The following PCDH11X variants were observed in gnomAD, a reference collection of about 807,000 sequenced individuals.
The protein encoded by PCDH11X is protocadherin 11 X-linked.
PCDH11X carries 18 observed loss-of-function variants against 53.3 expected under a neutral mutation model. The ratio of observed to expected loss-of-function variants is 0.34; its 90% confidence interval spans 0.23 to 0.50. PCDH11X has a LOEUF of 0.50. Among genes scored for constraint, PCDH11X ranks in the 20% least tolerant of loss-of-function variants. The pLI, the probability that PCDH11X is intolerant of heterozygous loss-of-function variation, is 0.98. For synonymous variants in PCDH11X, 279 were observed against 393.3 expected (o/e 0.71, Z 3.44); for missense variants, 570 against 1,032.4 (o/e 0.55, Z 6.14).
chrX:92,508,580 T>C (rs1382581066), intron 10 of PCDH11X, among the ~76,000 whole-genome samples: 1 of 111,088 alleles, frequency 9.0e-6, no homozygotes, highest in Non-Finnish European at 1.9e-5. Context: ...TATAATGCTT[T>C]ATTGATATTT....
intron 6 of PCDH11X, among the ~76,000 whole-genome samples, chrX:91,948,419 T>C (rs977714274): frequency 3.0e-4 from 32 of 108,412 alleles, no homozygotes; most frequent in Non-Finnish European, 1.2e-4. Context: ...GGTAATGGAC[T>C]GTGGGATAAG....
At chrX:92,213,889 T>G (rs1319892607) in intron 7 of PCDH11X, among the ~76,000 whole-genome samples, 1 of 72,110 alleles carries the variant, frequency 1.4e-5, no homozygotes, top group Non-Finnish European at 3.7e-5. Flanking sequence ...GTTTCAGTTT[T>G]CAAATATAAG....
chrX:92,075,528 TG>T (rs2063760999), intron 6 of PCDH11X, among the ~76,000 whole-genome samples: 1 of 111,950 alleles, frequency 8.9e-6, no homozygotes, highest in South Asian at 3.7e-4. Flanking sequence ...GCATACAGTG[TG>T]TTGAATTGAA....
intron 1 of PCDH11X, among the ~76,000 whole-genome samples, chrX:91,800,004 G>A (rs1405709621): frequency 8.9e-6 from 1 of 112,416 alleles, no homozygotes; most frequent in African/African-American, 3.2e-5. Flanking sequence ...CACAAGAATC[G>A]CTTGAACCCG....
chrX:91,962,584 C>A (rs1301453931), intron 6 of PCDH11X, among the ~76,000 whole-genome samples: 3 of 111,224 alleles, frequency 2.7e-5, no homozygotes, highest in Non-Finnish European at 5.7e-5. Context: ...GTCAGTGGAT[C>A]TACTATTCTG....
chrX:91,819,878 G>T (rs1289309681), intron 4 of PCDH11X, among the ~76,000 whole-genome samples: 1 of 94,397 alleles, frequency 1.1e-5, no homozygotes, highest in African/African-American at 4.0e-5. Flanking sequence ...GTGTCCATGT[G>T]ATCTCATTGT....
chrX:92,126,680 A>C (rs1355779433), intron 6 of PCDH11X, among the ~76,000 whole-genome samples: 1 of 103,745 alleles, frequency 9.6e-6, no homozygotes, highest in Non-Finnish European at 1.9e-5. Context: ...ATTTTAAATA[A>C]ATTTTTTACC....
chrX:92,486,206 G>A (rs1432454335), intron 10 of PCDH11X, among the ~76,000 whole-genome samples: 6 of 111,201 alleles, frequency 5.4e-5, no homozygotes, highest in African/African-American at 2.0e-4. Context: ...ATAGAAAGTT[G>A]TAAATTTTTT....
chrX:92,130,156 TATTC>T (rs1287555647), intron 6 of PCDH11X, among the ~76,000 whole-genome samples: 2 of 111,410 alleles, frequency 1.8e-5, no homozygotes, highest in African/African-American at 6.5e-5. Flanking sequence ...GGTAATCTAT[TATTC>T]ATTAAACAAA....
chrX:92,185,639 A>G (rs1441891777), intron 6 of PCDH11X, among the ~76,000 whole-genome samples: 5 of 111,681 alleles, frequency 4.5e-5, no homozygotes, highest in African/African-American at 9.8e-5. Flanking sequence ...CAGAATATAC[A>G]AGGAACTCAA....
chrX:92,560,198 A>G (rs1176432039), intron 10 of PCDH11X, among the ~76,000 whole-genome samples: 2 of 111,426 alleles, frequency 1.8e-5, no homozygotes, highest in African/African-American at 3.3e-5. Flanking sequence ...ATCTAGATAC[A>G]ACCGGGGCTG....
intron 6 of PCDH11X, among the ~76,000 whole-genome samples, chrX:91,901,493 T>G (rs1460135458): frequency 3.6e-5 from 4 of 111,718 alleles, no homozygotes; most frequent in Non-Finnish European, 7.5e-5. Context: ...AAGATTTATG[T>G]CTTTTTCACA....
At chrX:92,125,572 T>C (rs2064845504) in intron 6 of PCDH11X, among the ~76,000 whole-genome samples, 6 of 111,515 alleles carry the variant, frequency 5.4e-5, no homozygotes, top group African/African-American at 1.3e-4. Flanking sequence ...GACCTCATGA[T>C]AAATGTTTGC....
chrX:91,874,425 C>T (rs1280538273), intron 5 of PCDH11X, among the ~76,000 whole-genome samples: 1 of 111,079 alleles, frequency 9.0e-6, no homozygotes, highest in Non-Finnish European at 1.9e-5. Context: ...TTGATTATTG[C>T]TCTGAGTAAA....
At chrX:92,135,032 T>A (rs1020850329) in intron 6 of PCDH11X, among the ~76,000 whole-genome samples, 25 of 110,290 alleles carry the variant, frequency 2.3e-4, no homozygotes, top group African/African-American at 8.3e-4. Flanking sequence ...CAGGTTCAAA[T>A]GCCTCTGACA....
intron 9 of PCDH11X, among the ~76,000 whole-genome samples, chrX:92,398,378 C>T (rs2071295525): frequency 9.0e-6 from 1 of 111,570 alleles, no homozygotes; most frequent in Non-Finnish European, 1.9e-5. Flanking sequence ...GGAAATTTAT[C>T]ATACGCTTGA....
intron 7 of PCDH11X, among the ~76,000 whole-genome samples, chrX:92,213,730 C>G (rs1159895084): frequency 9.0e-6 from 1 of 111,526 alleles, no homozygotes; most frequent in Non-Finnish European, 1.9e-5. Context: ...TCTTCTGGAG[C>G]TCTTGGACTA....
At chrX:92,605,452 G>A (rs1367859661) in intron 10 of PCDH11X, among the ~76,000 whole-genome samples, 2 of 111,007 alleles carry the variant, frequency 1.8e-5, no homozygotes, top group Admixed American at 9.6e-5. Flanking sequence ...ACATTGTACT[G>A]GAGGTTTTAC....
At chrX:91,974,873 C>G (rs1400161373) in intron 6 of PCDH11X, among the ~76,000 whole-genome samples, 1 of 110,496 alleles carries the variant, frequency 9.1e-6, no homozygotes, top group African/African-American at 3.3e-5. Context: ...CTGCCTCAGC[C>G]TCCCAAGTAG....
Sources: allele counts gnomAD v4.1 joint callset (sites outside exome capture counted in the v4.1 genomes callset), GRCh38; gene constraint gnomAD v4.1.1; transcripts MANE v1.5; gene names NCBI Gene and HGNC (gene_info 2026-07-23, HGNC 2026-07-21).